Variants in FHOD3 observed in about 807,000 individuals in gnomAD.
FHOD3 encodes FH1/FH2 domain-containing protein 3.
Under a neutral mutation model 173.0 loss-of-function variants are expected in FHOD3, and 90 were observed. That is an observed-to-expected ratio of 0.52 (90% CI 0.44 to 0.62). The LOEUF (loss-of-function observed/expected upper bound fraction) is 0.62, where lower values mean the gene tolerates loss of function less well. Among genes scored for constraint, FHOD3 ranks in the 20% least tolerant of loss-of-function variants. FHOD3 has a pLI of 0.00. For synonymous variants in FHOD3, 828 were observed against 823.0 expected, an observed-to-expected ratio of 1.01 and a Z score of -0.10; for missense variants, 1,945 against 2,034.7, an observed-to-expected ratio of 0.96 and a Z score of 0.85.
rs186593601 is a variant in FHOD3, at chr18:36,763,625, C to T, written c.4624+2843C>T. On this transcript the variant is annotated intron_variant, in intron 27 of 28. Transcript: ENST00000590592. ...TTATATATAATATGTGTATTATACA[C>T]GTTATATATAATATATGTGTATTAT... Among the ~76,000 whole-genome samples the T allele has an allele frequency of 4.0e-4, 58 of 145,994 alleles. 2 individuals carry two copies. The highest frequency in any genetic ancestry group is 3.3e-3 in the Admixed American group (48 of 14,608).
intron 3 of FHOD3, among the ~76,000 whole-genome samples, chr18:36,436,896 A>G (rs539087922): frequency 6.6e-6 from 1 of 152,326 alleles, no homozygotes; most frequent in South Asian, 2.1e-4. Flanking sequence ...TATTTTCATC[A>G]ACATACCTCT....
At chr18:36,582,978 C>T (rs546592429) in intron 6 of FHOD3, among the ~76,000 whole-genome samples, 11 of 152,284 alleles carry the variant, frequency 7.2e-5, no homozygotes, top group African/African-American at 2.6e-4. Context: ...GCCAGAGTTC[C>T]AGCCTCAAGA....
rs115796228 is a variant in FHOD3 at position 36,461,655 on chromosome 18, T to C, written c.338-40277T>C. 7.8e-4 allele frequency among the ~76,000 whole-genome samples: 119 copies of C among 152,322 alleles called. 2 individuals are homozygous for C. The highest frequency in any genetic ancestry group is 2.8e-3 in the African/African-American group (115 of 41,578). On this transcript the variant is annotated intron_variant, in intron 3 of 28. Coordinates refer to ENST00000590592, the MANE Select transcript of FHOD3 (RefSeq NM_001281740.3). The stretch of plus-strand genomic sequence containing the variant: ...TTGCTTTTGTGGGCTAGCCTGGGAA[T>C]GCATCCAACATAGGCAACATTGCTT...
chr18:36,521,485 G>A (rs910635259), intron 5 of FHOD3, among the ~76,000 whole-genome samples: 2 of 152,146 alleles, frequency 1.3e-5, no homozygotes, highest in South Asian at 4.2e-4. Context: ...CCACCCTAGG[G>A]TCCTCCTAAC....
At chr18:36,726,983 C>T (rs2041109302) in intron 19 of FHOD3, among the ~76,000 whole-genome samples, 2 of 152,036 alleles carry the variant, frequency 1.3e-5, no homozygotes, top group Non-Finnish European at 2.9e-5. Flanking sequence ...AGAAAAGTTC[C>T]TTTTAGCAAG....
intron 18 of FHOD3, 132 bp from the exon 19 acceptor site, chr18:36,717,700 G>A (rs1018737547): frequency 1.9e-5 from 26 of 1,396,726 alleles, no homozygotes; most frequent in African/African-American, 2.9e-5. Flanking sequence ...TGTCAGCCAC[G>A]GCTTTGACTG....
intron 3 of FHOD3, among the ~76,000 whole-genome samples, chr18:36,435,216 G>C (rs2050751014): frequency 6.6e-6 from 1 of 150,944 alleles, no homozygotes; most frequent in Non-Finnish European, 1.5e-5. Context: ...TTTTATATTA[G>C]TTATACCTGG....
rs182250227 is a variant in FHOD3 at position 36,400,953 on chromosome 18, G to A, written c.337+28209G>A. ...AGATGGAGGAAAGTGTCGGTTGCTG[G>A]CTTCACTCTCTGTGCCTTTTATGTG... On this transcript the variant is annotated intron_variant, in intron 3 of 28. Transcript: ENST00000590592. 9.2e-5 allele frequency among the ~76,000 whole-genome samples: 14 copies of A among 152,302 alleles called. No homozygotes were observed. In the East Asian group the frequency reaches 1.5e-3, roughly 17 times the overall value.
At chr18:36,622,643 C>T (rs1038647204) in intron 9 of FHOD3, among the ~76,000 whole-genome samples, 2 of 152,224 alleles carry the variant, frequency 1.3e-5, no homozygotes, top group Admixed American at 6.5e-5. Flanking sequence ...AGGACTGGCT[C>T]TATCTCACTT....
chr18:36,486,095 C>T (rs1416103469), intron 3 of FHOD3, among the ~76,000 whole-genome samples: 1 of 152,150 alleles, frequency 6.6e-6, no homozygotes. Flanking sequence ...TCTTTGTATA[C>T]TTAGCAGCTG....
chr18:36,316,446 T>A (rs1040642133), intron 1 of FHOD3, among the ~76,000 whole-genome samples: 1 of 152,216 alleles, frequency 6.6e-6, no homozygotes, highest in African/African-American at 2.4e-5. Context: ...ACTGCATGAG[T>A]CACTGGGGTT....
intron 2 of FHOD3, among the ~76,000 whole-genome samples, chr18:36,365,735 A>G (rs1598852764): frequency 6.6e-6 from 1 of 152,198 alleles, no homozygotes; most frequent in Non-Finnish European, 1.5e-5. Context: ...GAAGAGAGAC[A>G]CTGAGCTGGT....
intron 3 of FHOD3, among the ~76,000 whole-genome samples, chr18:36,382,410 A>G (rs1294570893): frequency 6.6e-6 from 1 of 152,208 alleles, no homozygotes; most frequent in Non-Finnish European, 1.5e-5. Context: ...TTATTGCTGT[A>G]ACCGGATACA....
chr18:36,748,592 T>G (rs1814332080), intron 24 of FHOD3, among the ~76,000 whole-genome samples: 1 of 152,136 alleles, frequency 6.6e-6, no homozygotes, highest in Admixed American at 6.5e-5. Context: ...GATTATCCCA[T>G]TCTCCTTGGT....
At chr18:36,628,149 A>G (rs565869876) in intron 10 of FHOD3, among the ~76,000 whole-genome samples, 18 of 152,234 alleles carry the variant, frequency 1.2e-4, no homozygotes, top group Admixed American at 9.8e-4. Flanking sequence ...GTCCTTTTGC[A>G]TCATTTGAAT....
At chr18:36,379,484 T>C (rs1359639726) in intron 3 of FHOD3, among the ~76,000 whole-genome samples, 1 of 152,238 alleles carries the variant, frequency 6.6e-6, no homozygotes, top group African/African-American at 2.4e-5. Context: ...ATCAGTGTGT[T>C]TACTCTTCAA....
At chr18:36,475,751 TACAC>T (rs58982535) in intron 3 of FHOD3, among the ~76,000 whole-genome samples, 4,635 of 142,996 alleles carry the variant, frequency 0.032, 87 homozygotes, top group South Asian at 0.077. Context: ...TATAGAAACA[TACAC>T]ACACACACAC....
At chr18:36,704,200 G>C (rs1407072629) in intron 17 of FHOD3, among the ~76,000 whole-genome samples, 1 of 152,140 alleles carries the variant, frequency 6.6e-6, no homozygotes, top group Non-Finnish European at 1.5e-5. Flanking sequence ...AAATCTAGCT[G>C]CAAGCCCTCG....
At chr18:36,330,685 C>T (rs968298738) in intron 1 of FHOD3, among the ~76,000 whole-genome samples, 1 of 152,184 alleles carries the variant, frequency 6.6e-6, no homozygotes, top group African/African-American at 2.4e-5. Context: ...GGTGACTTGG[C>T]TTCATGCAGG....
Sources: gnomAD v4.1 joint callset for allele counts (sites outside exome capture counted in the v4.1 genomes callset) on GRCh38, gnomAD v4.1.1 for gene constraint, MANE v1.5 for transcripts, NCBI Gene and HGNC (gene_info 2026-07-23, HGNC 2026-07-21) for gene names.